Variants in MAPK9 observed in about 807,000 individuals in gnomAD.
MAPK9 encodes the protein Jun kinase.
MAPK9 carries 30 observed loss-of-function variants against 57.1 expected under a neutral mutation model. That is an observed-to-expected ratio of 0.53 (90% confidence interval 0.39 to 0.71). The LOEUF is 0.71. MAPK9 is among the 30% of genes least tolerant of loss of function. The pLI, the probability that MAPK9 is intolerant of heterozygous loss-of-function variation, is 0.00. For missense variants in MAPK9, 362 were observed against 521.0 expected (o/e 0.69, Z 2.97); for synonymous variants, 155 against 177.0 (o/e 0.88, Z 0.99).
At chr5:180,239,899 G>A (rs1206437825) in intron 10 of MAPK9, 25 bp downstream of exon 10, 1 of 1,598,204 alleles carries the variant, frequency 6.3e-7, no homozygotes, top group Non-Finnish European at 8.6e-7. Flanking sequence ...TCAAAAGGAA[G>A]GATCAAAATA....
chr5:180,278,792 C>A (rs1762054712), intron 2 of MAPK9, among the ~76,000 whole-genome samples: 1 of 150,358 alleles, frequency 6.7e-6, no homozygotes, highest in South Asian at 2.1e-4. Flanking sequence ...CCCCCTCTCT[C>A]CTTTTTCTCT....
chr5:180,267,578 A>G (rs998677997), intron 3 of MAPK9, among the ~76,000 whole-genome samples: 13 of 151,574 alleles, frequency 8.6e-5, no homozygotes, highest in African/African-American at 1.4e-4. Flanking sequence ...AAAAAAAAAA[A>G]AAAGAAAAAG....
chr5:180,291,255 G>A (rs1297837959), intron 1 of MAPK9, among the ~76,000 whole-genome samples: 1 of 151,086 alleles, frequency 6.6e-6, no homozygotes, highest in African/African-American at 2.4e-5. Flanking sequence ...CTCTGGCACT[G>A]CTGGACACCG....
At chr5:180,270,560 T>C (rs567974645) in intron 2 of MAPK9, among the ~76,000 whole-genome samples, 47 of 152,082 alleles carry the variant, frequency 3.1e-4, no homozygotes, top group Admixed American at 3.1e-3. Flanking sequence ...ACTCAAGAAT[T>C]TGAAAATAGG....
chr5:180,287,355 T>C (rs1762862265), intron 1 of MAPK9, among the ~76,000 whole-genome samples: 1 of 152,242 alleles, frequency 6.6e-6, no homozygotes, highest in South Asian at 2.1e-4. Flanking sequence ...GGAAGGGTAC[T>C]GGGACCTCTC....
chr5:180,249,320 G>A (rs1456094722), intron 5 of MAPK9, among the ~76,000 whole-genome samples, 182 bp from the exon 6 acceptor site: 3 of 152,160 alleles, frequency 2.0e-5, no homozygotes, highest in Non-Finnish European at 4.4e-5. Flanking sequence ...GCCTAAAGCC[G>A]TCAGATGGTG....
At chr5:180,252,955 A>T (rs1393918346) in intron 5 of MAPK9, among the ~76,000 whole-genome samples, 1 of 152,158 alleles carries the variant, frequency 6.6e-6, no homozygotes, top group African/African-American at 2.4e-5. Flanking sequence ...GCCATTCCCA[A>T]CTTATGTGGA....
intron 5 of MAPK9, 120 bp downstream of exon 5, chr5:180,261,564 T>G (rs1759966459): frequency 1.0e-6 from 1 of 988,016 alleles, no homozygotes; most frequent in Non-Finnish European, 1.5e-6. Context: ...CACCATATGA[T>G]TCCATCATCT....
At chr5:180,289,076 C>A (rs534409181) in intron 1 of MAPK9, among the ~76,000 whole-genome samples, 91 of 152,178 alleles carry the variant, frequency 6.0e-4, no homozygotes, top group African/African-American at 2.2e-3. Flanking sequence ...TGTATGTAGA[C>A]CAAAAATAGT....
chr5:180,284,066 G>C (rs1762533872), intron 1 of MAPK9, among the ~76,000 whole-genome samples: 3 of 152,232 alleles, frequency 2.0e-5, no homozygotes. Context: ...GTGAGAGCAA[G>C]AGAAAGAAAC....
chr5:180,263,667 C>A (rs1050876493), intron 4 of MAPK9, among the ~76,000 whole-genome samples: 1 of 151,796 alleles, frequency 6.6e-6, no homozygotes, highest in Non-Finnish European at 1.5e-5. Context: ...CCTTCTATCT[C>A]CATTCTACTT....
chr5:180,268,653 CT>C (rs1380920388), intron 3 of MAPK9, among the ~76,000 whole-genome samples: 1 of 151,914 alleles, frequency 6.6e-6, no homozygotes, highest in East Asian at 1.9e-4. Flanking sequence ...CGGTGAAACC[CT>C]GTCTCTCCTA....
rs1757161582 is a variant in MAPK9 at position 180,236,237 on chromosome 5, C to T, written c.*147G>A. On this transcript the variant is annotated 3_prime_UTR_variant, in exon 12 of 12. Transcript: ENST00000452135. ...TCATTTTATCATCTAAGCAGGCAAT[C>T]CTATCAGGTCTGAGTAGGGCAAGGC... The T allele has an allele frequency of 1.3e-6, 1 of 790,776 alleles. No individual in the cohort carries two copies. Among genetic ancestry groups the T allele is most frequent in the Non-Finnish European group, 1.8e-6 (1 of 561,460 alleles). 49.0% of individuals were successfully genotyped at this position (790,776 alleles called of 1,614,324 possible).
chr5:180,290,510 G>A (rs1763136637), intron 1 of MAPK9, among the ~76,000 whole-genome samples: 2 of 152,194 alleles, frequency 1.3e-5, no homozygotes, highest in South Asian at 4.1e-4. Flanking sequence ...TCTGCCTTGT[G>A]TCCGTAGGGT....
At chr5:180,271,526 C>G (rs943109846) in intron 2 of MAPK9, among the ~76,000 whole-genome samples, 26 of 152,308 alleles carry the variant, frequency 1.7e-4, no homozygotes, top group African/African-American at 5.3e-4. Context: ...TTCTTCAACT[C>G]TGAAGGGAAC....
In MAPK9 at chr5:180,234,573, A is replaced by G. The variant is rs2127570284; in HGVS notation, c.*1811T>C. 6.6e-6 allele frequency: 1 copy of G among 152,052 alleles called. No individual in the cohort carries two copies. The highest frequency in any genetic ancestry group is 2.4e-5 in the African/African-American group (1 of 41,460). The allele number at this position is 152,052 out of a possible 1,614,324, so 9.4% of individuals were successfully genotyped here. On this transcript the variant is annotated 3_prime_UTR_variant, in exon 12 of 12. Transcript: ENST00000452135. ...GTGCAGGGCAGCTCGCGCATTTTCA[A>G]CCTCTCCCTTTTGTTTTTCCTTTTA... is the stretch of plus-strand genomic sequence containing the variant.
intron 11 of MAPK9, 63 bp downstream of exon 11, chr5:180,238,269 C>CA (rs878860602): frequency 0.1 from 97,279 of 974,134 alleles, no homozygotes; most frequent in South Asian, 0.12. Flanking sequence ...AACTCTGTCT[C>CA]AAAAAAAAAA....
intron 9 of MAPK9, among the ~76,000 whole-genome samples, chr5:180,240,634 A>G (rs772768098): frequency 4.6e-5 from 7 of 152,200 alleles, no homozygotes; most frequent in Non-Finnish European, 8.8e-5. Context: ...CAGCGGGGGA[A>G]CCAGGAGCTA....
intron 1 of MAPK9, among the ~76,000 whole-genome samples, chr5:180,286,685 C>A (rs376265051): frequency 3.4e-5 from 5 of 148,188 alleles, no homozygotes; most frequent in African/African-American, 1.2e-4. Context: ...CCCTCTCAAT[C>A]CCCCACTCCC....
Sources: allele counts gnomAD v4.1 joint callset (sites outside exome capture counted in the v4.1 genomes callset), GRCh38; gene constraint gnomAD v4.1.1; transcripts MANE v1.5; gene names NCBI Gene and HGNC (gene_info 2026-07-23, HGNC 2026-07-21).